The following CDKAL1 variants were observed in gnomAD, a reference collection of about 807,000 sequenced individuals.
The protein encoded by CDKAL1 is CDKAL1 threonylcarbamoyladenosine tRNA methylthiotransferase, also known as threonylcarbamoyladenosine tRNA methylthiotransferase.
In CDKAL1, 32 loss-of-function variants were observed where a neutral mutation model predicts 68.2. The observed-to-expected ratio is 0.47, with a 90% CI of 0.35 to 0.63. The LOEUF is 0.63. Among genes scored for constraint, CDKAL1 ranks in the 30% least tolerant of loss-of-function variants. The pLI is 0.00. For synonymous variants in CDKAL1, 234 were observed against 244.3 expected (o/e 0.96, Z 0.39); for missense variants, 606 against 696.7 (o/e 0.87, Z 1.47).
chr6:20,725,779 C>A (rs768719438), intron 5 of CDKAL1, among the ~76,000 whole-genome samples: 54 of 135,734 alleles, frequency 4.0e-4, no homozygotes, highest in Non-Finnish European at 6.1e-4. Context: ...AGTGAAACTC[C>A]GTCTAAAAAA....
At chr6:20,855,889 C>T (rs1355525300) in intron 9 of CDKAL1, among the ~76,000 whole-genome samples, 1 of 152,084 alleles carries the variant, frequency 6.6e-6, no homozygotes, top group Non-Finnish European at 1.5e-5. Context: ...AACAAATAGC[C>T]TGCCCATTTT....
chr6:20,732,579 G>A (rs1374530288), intron 5 of CDKAL1, among the ~76,000 whole-genome samples: 1 of 151,866 alleles, frequency 6.6e-6, no homozygotes, highest in Non-Finnish European at 1.5e-5. Flanking sequence ...GAGCCACTAT[G>A]CCTGGCTGAC....
intron 13 of CDKAL1, among the ~76,000 whole-genome samples, chr6:21,118,294 C>T (rs1485445677): frequency 6.6e-6 from 1 of 152,194 alleles, no homozygotes; most frequent in Non-Finnish European, 1.5e-5. Context: ...GCTTTTTCCT[C>T]CTTTTTCTGC....
intron 10 of CDKAL1, among the ~76,000 whole-genome samples, chr6:20,961,461 G>T (rs558047562): frequency 6.6e-6 from 1 of 152,198 alleles, no homozygotes; most frequent in African/African-American, 2.4e-5. Context: ...GGGGAGGTGG[G>T]AGAGGTTCAG....
Position 21,231,335 on chromosome 6 carries a change from C to A in CDKAL1, c.*296C>A. The A allele has an allele frequency of 4.1e-6, 1 of 246,240 alleles. No homozygotes were observed. Among genetic ancestry groups the A allele is most frequent in the Non-Finnish European group, 7.7e-6 (1 of 130,484 alleles). 15.3% of individuals were successfully genotyped at this position (246,240 alleles called of 1,614,324 possible). A position where few individuals can be genotyped will look rare whatever the true frequency, so the allele number is the denominator to read the frequency against. ...TGCATTTTTTTCTGTTTGTTTCAATCTCTAATCTTTAAGTCAGAACCTAAT... is the reference window on the plus strand; with the variant it reads ...TGCATTTTTTTCTGTTTGTTTCAATATCTAATCTTTAAGTCAGAACCTAAT... On this transcript the variant is annotated 3_prime_UTR_variant, in exon 16 of 16. Transcript: ENST00000274695.
intron 8 of CDKAL1, among the ~76,000 whole-genome samples, chr6:20,810,598 T>C (rs1776766545): frequency 6.7e-6 from 1 of 149,686 alleles, no homozygotes; most frequent in African/African-American, 2.5e-5. Context: ...CACTCTCTTT[T>C]TAAAAAAAAG....
intron 13 of CDKAL1, among the ~76,000 whole-genome samples, chr6:21,189,892 G>A (rs1010643132): frequency 3.3e-5 from 5 of 152,214 alleles, no homozygotes; most frequent in South Asian, 2.1e-4. Flanking sequence ...CCAGCATCGC[G>A]TGCTCTGCCT....
At chr6:21,034,590 A>T (rs983009465) in intron 11 of CDKAL1, among the ~76,000 whole-genome samples, 2 of 152,204 alleles carry the variant, frequency 1.3e-5, no homozygotes, top group South Asian at 2.1e-4. Context: ...GTAGCTTGAT[A>T]ATAAGAGTGA....
intron 8 of CDKAL1, among the ~76,000 whole-genome samples, chr6:20,784,996 A>T (rs1775608263): frequency 6.6e-6 from 1 of 152,080 alleles, no homozygotes; most frequent in East Asian, 1.9e-4. Flanking sequence ...TCCCTCTTGT[A>T]GACTTAATGT....
intron 12 of CDKAL1, among the ~76,000 whole-genome samples, chr6:21,086,665 G>C (rs1772711172): frequency 6.6e-6 from 1 of 152,050 alleles, no homozygotes; most frequent in South Asian, 2.1e-4. Context: ...ACAGTTCCCA[G>C]AGACCTTTTC....
intron 15 of CDKAL1, among the ~76,000 whole-genome samples, chr6:21,229,999 AATG>A (rs1245823965): frequency 6.6e-6 from 1 of 152,144 alleles, no homozygotes; most frequent in Non-Finnish European, 1.5e-5. Context: ...ATGAAGAGAA[AATG>A]ATGATAGTAT....
At chr6:20,805,168 A>G (rs1367897710) in intron 8 of CDKAL1, among the ~76,000 whole-genome samples, 1 of 152,330 alleles carries the variant, frequency 6.6e-6, no homozygotes, top group East Asian at 1.9e-4. Context: ...GAGGTAAAGC[A>G]CAGGAAGCCT....
intron 5 of CDKAL1, chr6:20,722,421 A>G (rs1181168260): frequency 7.8e-6 from 2 of 254,816 alleles, no homozygotes; most frequent in South Asian, 5.2e-5. Flanking sequence ...TAGATTTGCA[A>G]CTGGGCTCAA....
intron 11 of CDKAL1, among the ~76,000 whole-genome samples, chr6:21,056,053 TA>T (rs1770817472): frequency 6.6e-6 from 1 of 152,218 alleles, no homozygotes; most frequent in Admixed American, 6.5e-5. Context: ...GACTTTTTAC[TA>T]ATTGCCATTC....
At chr6:20,922,004 AC>A (rs1762978488) in intron 9 of CDKAL1, among the ~76,000 whole-genome samples, 2 of 152,304 alleles carry the variant, frequency 1.3e-5, no homozygotes, top group African/African-American at 2.4e-5. Context: ...TCAATGAAGT[AC>A]CTCAGATGGT....
intron 11 of CDKAL1, among the ~76,000 whole-genome samples, chr6:21,002,568 A>G (rs996070078): frequency 6.6e-6 from 1 of 152,068 alleles, no homozygotes; most frequent in African/African-American, 2.4e-5. Context: ...ATTATAAGTA[A>G]GATATATTGC....
intron 13 of CDKAL1, among the ~76,000 whole-genome samples, chr6:21,112,059 C>A (rs549881997): frequency 6.6e-6 from 1 of 152,040 alleles, no homozygotes; most frequent in African/African-American, 2.4e-5. Flanking sequence ...AAAAGTCCAA[C>A]CTGGAGTTGA....
chr6:20,603,334 G>A (rs1320609949), intron 4 of CDKAL1, among the ~76,000 whole-genome samples: 4 of 152,174 alleles, frequency 2.6e-5, no homozygotes, highest in Non-Finnish European at 5.9e-5. Flanking sequence ...TTTAGCCATA[G>A]GTTGGGAACA....
chr6:20,648,089 T>A (rs1028151293), intron 4 of CDKAL1, among the ~76,000 whole-genome samples: 24 of 147,810 alleles, frequency 1.6e-4, no homozygotes, highest in East Asian at 1.2e-3. Context: ...AAAAAAAAAA[T>A]ATTTTTTTTT....
Sources: allele counts gnomAD v4.1 joint callset (sites outside exome capture counted in the v4.1 genomes callset), GRCh38; gene constraint gnomAD v4.1.1; transcripts MANE v1.5; gene names NCBI Gene and HGNC (gene_info 2026-07-23, HGNC 2026-07-21).